UBE3B: variants seen among roughly 807,000 people sequenced by gnomAD.
UBE3B encodes the protein ubiquitin-protein ligase E3B.
In UBE3B, 80 loss-of-function variants were observed where a neutral mutation model predicts 132.3. The ratio of observed to expected loss-of-function variants is 0.60; its 90% CI spans 0.50 to 0.73. The LOEUF (loss-of-function observed/expected upper bound fraction) is 0.73, where lower values mean the gene tolerates loss of function less well. Among genes scored for constraint, UBE3B ranks in the 30% least tolerant of loss-of-function variants. The probability of loss-of-function intolerance (pLI) is 0.00; values close to 1 mark genes in which losing one functional copy is unlikely to be tolerated. For missense variants in UBE3B, 1,196 were observed against 1,362.5 expected (o/e 0.88, Z 1.92); for synonymous variants, 487 against 520.4 (o/e 0.94, Z 0.87).
In UBE3B at chr12:109,531,165, C is replaced by G. The variant is rs534277688; in HGVS notation, c.2922+507C>G. On this transcript the variant is annotated intron_variant, in intron 26 of 27. Transcript: ENST00000342494. ...GACACACATACACACCCACAGTGTC[C>G]CAATAAAACACACACAATTGCTTAG... Among the ~76,000 whole-genome samples, 376 of 152,244 alleles carry G rather than the reference C, an allele frequency of 2.5e-3. 3 individuals carry two copies. The highest frequency in any genetic ancestry group is 8.6e-3 in the African/African-American group (359 of 41,544).
At position 109,507,639 on chromosome 12, in the gene UBE3B, A is replaced by C. The variant is rs765426919; in HGVS notation, c.1526A>C (p.Lys509Thr). 1.2e-5 allele frequency: 19 copies of C among 1,614,150 alleles called. No homozygotes were observed. The East Asian group carries it at 4.2e-4, about 36-fold the overall frequency. Residue 509 changes from lysine to threonine, a missense_variant, in exon 15 of 28, where the codon AAG becomes ACG. Physicochemically the swap from Lys to Thr is moderately conservative, Grantham distance 78. Coordinates refer to ENST00000342494, the MANE Select transcript of UBE3B (RefSeq NM_130466.4). ...ICELGPHGGLKLFLECLNNDT... is the reference protein window; with the variant it reads ...ICELGPHGGLTLFLECLNNDT... ...GAGCTCGGGCCCCACGGAGGGTTAA[A>C]GCTCTTCTTGGAATGCCTGAACAAT... is the stretch of plus-strand genomic sequence containing the variant.
rs1182872171 is a variant in UBE3B at position 109,521,911 on chromosome 12, C to T, written c.2364+360C>T. Among the ~76,000 whole-genome samples the T allele has an allele frequency of 2.0e-5, 3 of 152,172 alleles. No individual in the cohort carries two copies. Among genetic ancestry groups the T allele is most frequent in the Non-Finnish European group, 4.4e-5 (3 of 68,026 alleles). ...AGGCCAGCCCTCTTCTTTCCTGAGG[C>T]ATGAGGAGTGGTGTGCAGAGCCAGA... On this transcript the variant is annotated intron_variant, in intron 21 of 27. Transcript: ENST00000342494. This position sits in a 1 kb window ranked among gnomAD's most constrained non-coding sequence, Gnocchi z 4.2.
intron 4 of UBE3B, among the ~76,000 whole-genome samples, chr12:109,485,338 C>T (rs192640331): frequency 1.1e-4 from 17 of 152,346 alleles, no homozygotes; most frequent in Admixed American, 5.9e-4. Flanking sequence ...AAGATCTCTA[C>T]GCTCATGGAG....
At position 109,507,622 on chromosome 12, in the gene UBE3B, G is replaced by A. The variant is rs772670524; in HGVS notation, c.1509G>A (p.Gly503=). 13 of 1,614,116 alleles carry A rather than the reference G, an allele frequency of 8.1e-6. No individual in the cohort carries two copies. The East Asian group carries it at 1.3e-4, about 17-fold the overall frequency. Residue 503 remains glycine, a synonymous_variant, in exon 15 of 28, where the codon GGG becomes GGA. Coordinates refer to ENST00000342494, the MANE Select transcript of UBE3B (RefSeq NM_130466.4). ...TGTGGGCATTTATCTGTGAGCTCGG[G>A]CCCCACGGAGGGTTAAAGCTCTTCT... ...PKLWAFICEL[G]PHGGLKLFLE... is the part of the protein sequence containing the mutation.
At chr12:109,516,553 T>G (rs960746126) in intron 18 of UBE3B, among the ~76,000 whole-genome samples, 24 of 152,162 alleles carry the variant, frequency 1.6e-4, no homozygotes, top group Admixed American at 1.3e-3. Flanking sequence ...GAACGTTTTT[T>G]GCTTGTGTAT....
At chr12:109,510,074 A>G (rs1425401243) in intron 16 of UBE3B, among the ~76,000 whole-genome samples, 1 of 152,192 alleles carries the variant, frequency 6.6e-6, no homozygotes, top group Non-Finnish European at 1.5e-5. Flanking sequence ...AAGTGTCTCC[A>G]ATTGCTCAGG....
intron 5 of UBE3B, 87 bp from the exon 6 acceptor site, chr12:109,486,384 A>T: frequency 9.1e-7 from 1 of 1,102,178 alleles, no homozygotes; most frequent in South Asian, 1.4e-5. Context: ...CACTGGACCT[A>T]ACTAATAGGT....
intron 18 of UBE3B, among the ~76,000 whole-genome samples, chr12:109,515,651 G>A (rs1311043234): frequency 1.3e-5 from 2 of 152,224 alleles, no homozygotes; most frequent in African/African-American, 4.8e-5. Context: ...TTACAGGCGT[G>A]AGCCACTGTG....
intron 18 of UBE3B, among the ~76,000 whole-genome samples, chr12:109,511,837 G>A (rs11067006): frequency 0.07 from 10,611 of 152,208 alleles, 388 homozygotes; most frequent in South Asian, 0.12. Context: ...TGGCTGCAGC[G>A]TGGAGGGCTG....
At chr12:109,506,306 A>G (rs1229528380) in intron 14 of UBE3B, among the ~76,000 whole-genome samples, 5 of 152,252 alleles carry the variant, frequency 3.3e-5, no homozygotes, top group African/African-American at 1.2e-4. Flanking sequence ...GTTTTTGTCA[A>G]TAAATTTTTA....
intron 9 of UBE3B, among the ~76,000 whole-genome samples, chr12:109,496,759 T>C (rs1355597089): frequency 6.6e-6 from 1 of 152,250 alleles, no homozygotes; most frequent in Admixed American, 6.5e-5. Context: ...AGTTGTGAGT[T>C]CTTTATATGC....
At chr12:109,533,901 C>A in intron 27 of UBE3B, 1 of 1,334,142 alleles carries the variant, frequency 7.5e-7, no homozygotes, top group Non-Finnish European at 9.9e-7. Flanking sequence ...AGAGTGGGCT[C>A]AGGAGGCAGG....
intron 18 of UBE3B, among the ~76,000 whole-genome samples, chr12:109,512,170 A>G (rs1413059089): frequency 2.0e-5 from 3 of 152,148 alleles, no homozygotes; most frequent in Non-Finnish European, 4.4e-5. Flanking sequence ...GAGAGCACCC[A>G]AATCTCCTGA....
rs1883288198 is a variant in UBE3B at position 109,534,678 on chromosome 12, A to ACCTG, written c.3105_3108dup (p.Phe1037LeufsTer31). 1 of 1,609,478 alleles carries ACCTG rather than the reference A, an allele frequency of 6.2e-7. No individual in the cohort carries two copies. The highest frequency in any genetic ancestry group is 1.7e-5 in the Admixed American group (1 of 58,980). ...AGGCGGCCGCCTGCCCACCTCCTCC[A>ACCTG]CCTGCTTCAACCTGCTCAAGCTGCC... is the stretch of plus-strand genomic sequence containing the variant. On this transcript the variant is annotated frameshift_variant, in exon 28 of 28. Coordinates refer to ENST00000342494, the MANE Select transcript of UBE3B (RefSeq NM_130466.4). LOFTEE classifies it high-confidence loss of function. This position sits in a 1 kb window ranked among gnomAD's most constrained non-coding sequence, Gnocchi z 5.2.
At chr12:109,523,299 G>C (rs992357353) in intron 21 of UBE3B, among the ~76,000 whole-genome samples, 1 of 152,188 alleles carries the variant, frequency 6.6e-6, no homozygotes, top group South Asian at 2.1e-4. Context: ...TCTGCCTCCT[G>C]TCTTCCTCTC....
At chr12:109,524,557 G>A in intron 23 of UBE3B, 54 bp downstream of exon 23, 1 of 1,580,854 alleles carries the variant, frequency 6.3e-7, no homozygotes, top group Non-Finnish European at 8.7e-7. Context: ...GGGCTCCTGA[G>A]ACCTGCCGTG....
Position 109,521,025 on chromosome 12 carries a change from A to G in UBE3B, c.2077-123A>G. On this transcript the variant is annotated intron_variant, in intron 19 of 27. Transcript: ENST00000342494. The surrounding 1 kb of genome is among the most constrained non-coding windows in gnomAD (Gnocchi z 4.2). ...TGAGAACGGCTCCTGTCATGCATCC[A>G]CGTTTCATAATTTGCACATTTGGTA... is the stretch of plus-strand genomic sequence containing the variant. The G allele has an allele frequency of 1.3e-5, 14 of 1,116,056 alleles. No homozygotes were observed. Among genetic ancestry groups the G allele is most frequent in the African/African-American group, 1.6e-5 (1 of 64,030 alleles). 69.1% of individuals were successfully genotyped at this position (1,116,056 alleles called of 1,614,324 possible).
intron 2 of UBE3B, among the ~76,000 whole-genome samples, chr12:109,482,325 CT>C (rs976254475): frequency 1.4e-4 from 22 of 152,154 alleles, no homozygotes; most frequent in African/African-American, 4.6e-4. Flanking sequence ...ATCCTTACCC[CT>C]GTCCCATCTC....
At chr12:109,490,928 C>G in intron 8 of UBE3B, 117 bp from the exon 9 acceptor site, 1 of 1,198,408 alleles carries the variant, frequency 8.3e-7, no homozygotes, top group Non-Finnish European at 1.2e-6. Flanking sequence ...AGCCACCATG[C>G]CTGGCTCACA....
Sources: allele counts gnomAD v4.1 joint callset (sites outside exome capture counted in the v4.1 genomes callset), GRCh38; gene constraint gnomAD v4.1.1; non-coding constraint Gnocchi (gnomAD v3.1); transcripts MANE v1.5; gene names NCBI Gene and HGNC (gene_info 2026-07-23, HGNC 2026-07-21).